The following RGS8 variants were observed in gnomAD, a reference collection of about 807,000 sequenced individuals.
The protein encoded by RGS8 is regulator of G protein signaling 8.
RGS8 carries 8 observed loss-of-function variants against 21.7 expected under a neutral mutation model. The ratio of observed to expected loss-of-function variants is 0.37; its 90% CI spans 0.22 to 0.66. The LOEUF (loss-of-function observed/expected upper bound fraction) is 0.66. RGS8 is among the 30% of genes least tolerant of loss of function. The pLI is 0.59. For missense variants in RGS8, 157 were observed against 217.9 expected, an observed-to-expected ratio of 0.72 and a Z score of 1.76; for synonymous variants, 80 against 83.6, an observed-to-expected ratio of 0.96 and a Z score of 0.24.
the RGS8 span, among the ~76,000 whole-genome samples, chr1:182,692,239 G>A: frequency 8.7e-4 from 132 of 152,108 alleles, 1 homozygote; most frequent in Middle Eastern, 6.8e-3. Context: ...CCCTGACCTC[G>A]TGATCTGCCC....
chr1:182,665,211 C>G (rs1307155704), intron 5 of RGS8, among the ~76,000 whole-genome samples: 1 of 152,196 alleles, frequency 6.6e-6, no homozygotes, highest in Non-Finnish European at 1.5e-5. Flanking sequence ...TCTTCCTCAA[C>G]CCTGCTCTGC....
upstream of RGS8, among the ~76,000 whole-genome samples, chr1:182,675,641 C>T (rs1664332525): frequency 6.6e-6 from 1 of 152,104 alleles, no homozygotes; most frequent in South Asian, 2.1e-4. Context: ...CCCGGAATGT[C>T]CCCACCCTTG....
upstream of RGS8, among the ~76,000 whole-genome samples, chr1:182,689,305 A>ACC (rs750533434): frequency 8.1e-4 from 106 of 130,626 alleles, no homozygotes; most frequent in Middle Eastern, 3.9e-3. Flanking sequence ...ACACACACAC[A>ACC]CCCCACAAGT....
chr1:182,740,548 G>GTTTTTTTTT, the RGS8 span, among the ~76,000 whole-genome samples: 21 of 75,970 alleles, frequency 2.8e-4, no homozygotes, highest in Non-Finnish European at 5.0e-4. Flanking sequence ...TTGTTTGTTT[G>GTTTTTTTTT]TTTTTTTTTT....
chr1:182,750,582 G>A, the RGS8 span, among the ~76,000 whole-genome samples: 1 of 152,070 alleles, frequency 6.6e-6, no homozygotes, highest in Non-Finnish European at 1.5e-5. Context: ...CACTAAACTT[G>A]TTTGTTGAGG....
chr1:182,666,787 C>T lies in RGS8; in HGVS notation c.128+85G>A, dbSNP rs971000595. On this transcript the variant is annotated intron_variant, in intron 4 of 6. Coordinates refer to ENST00000483095, the Ensembl canonical transcript of RGS8. Reference sequence around the variant, plus strand: ...CCAAGAGACAGGATTTTTCCAGTGGCTCATCTGGTCAGCATCTCACTAAAG... The same window carrying T: ...CCAAGAGACAGGATTTTTCCAGTGGTTCATCTGGTCAGCATCTCACTAAAG... 3 of 964,700 alleles carry T rather than the reference C, an allele frequency of 3.1e-6. No homozygotes were observed. In the African/African-American group the frequency reaches 4.8e-5, roughly 15 times the overall value. The allele number at this position is 964,700 out of a possible 1,614,324, so 59.8% of individuals were successfully genotyped here.
the RGS8 span, among the ~76,000 whole-genome samples, chr1:182,749,686 T>C: frequency 1.1e-4 from 16 of 152,204 alleles, no homozygotes; most frequent in Non-Finnish European, 1.8e-4. Flanking sequence ...CATTTTCTGA[T>C]GGGTGACTGA....
the RGS8 span, among the ~76,000 whole-genome samples, chr1:182,705,470 T>C: frequency 6.6e-6 from 1 of 152,236 alleles, no homozygotes; most frequent in Non-Finnish European, 1.5e-5. Flanking sequence ...AGAAGTAATG[T>C]GTTACCAGCT....
chr1:182,676,820 C>A (rs963849984), upstream of RGS8, among the ~76,000 whole-genome samples: 1 of 152,194 alleles, frequency 6.6e-6, no homozygotes, highest in African/African-American at 2.4e-5. Flanking sequence ...ACACTAACTA[C>A]TTCTACTAGC....
intron 5 of RGS8, among the ~76,000 whole-genome samples, chr1:182,652,953 T>C (rs985564825): frequency 1.2e-4 from 19 of 152,182 alleles, no homozygotes; most frequent in Non-Finnish European, 2.6e-4. Context: ...GAAAGTTTAC[T>C]TGAGTAATTG....
the RGS8 span, among the ~76,000 whole-genome samples, chr1:182,740,457 G>A: frequency 6.6e-6 from 1 of 150,770 alleles, no homozygotes; most frequent in African/African-American, 2.4e-5. Context: ...GAGCAAAACT[G>A]AGGCATCAAA....
chr1:182,655,982 G>T (rs1045758894), intron 5 of RGS8, among the ~76,000 whole-genome samples: 1 of 152,158 alleles, frequency 6.6e-6, no homozygotes, highest in African/African-American at 2.4e-5. Flanking sequence ...AAGCCCAAGC[G>T]TTCTCATCTC....
chr1:182,708,172 C>T, the RGS8 span, among the ~76,000 whole-genome samples: 1 of 152,164 alleles, frequency 6.6e-6, no homozygotes, highest in Non-Finnish European at 1.5e-5. Context: ...AACTCCTAAT[C>T]AATAGGCTAA....
exon 3 of RGS8, chr1:182,669,653 G>A (rs781721449): frequency 1.2e-6 from 2 of 1,614,080 alleles, no homozygotes; most frequent in African/African-American, 1.3e-5. Flanking sequence ...CCGCCATACA[G>A]GCATCAGCTT....
chr1:182,746,262 T>C, the RGS8 span, among the ~76,000 whole-genome samples: 1 of 152,246 alleles, frequency 6.6e-6, no homozygotes, highest in African/African-American at 2.4e-5. Flanking sequence ...AACTAAGAAC[T>C]TTTCTAATGT....
chr1:182,695,598 A>G, the RGS8 span, among the ~76,000 whole-genome samples: 1 of 152,194 alleles, frequency 6.6e-6, no homozygotes, highest in East Asian at 1.9e-4. Flanking sequence ...CTGGGACTAC[A>G]GGCACATGCT....
the RGS8 span, among the ~76,000 whole-genome samples, chr1:182,721,296 T>G: frequency 2.6e-5 from 4 of 152,098 alleles, no homozygotes; most frequent in Non-Finnish European, 5.9e-5. Context: ...ACCATTCAAG[T>G]TGAATTAAGC....
At chr1:182,708,044 G>C in the RGS8 span, among the ~76,000 whole-genome samples, 1 of 152,146 alleles carries the variant, frequency 6.6e-6, no homozygotes, top group African/African-American at 2.4e-5. Context: ...AACTCCACGA[G>C]ATAAGTCTGT....
the RGS8 span, among the ~76,000 whole-genome samples, chr1:182,706,536 A>G: frequency 6.6e-6 from 1 of 151,402 alleles, no homozygotes; most frequent in East Asian, 2.0e-4. Context: ...GTACGATCTC[A>G]GCTCACTGCA....
Sources: gnomAD v4.1 joint callset for allele counts (sites outside exome capture counted in the v4.1 genomes callset) on GRCh38, gnomAD v4.1.1 for gene constraint, MANE v1.5 for transcripts, NCBI Gene and HGNC (gene_info 2026-07-23, HGNC 2026-07-21) for gene names.